The following CHSY3 variants were observed in gnomAD, a reference collection of about 807,000 sequenced individuals.
CHSY3 encodes N-acetylgalactosaminyl-proteoglycan 3-beta-glucuronosyltransferase 3.
A neutral mutation model predicts 67.2 loss-of-function variants in CHSY3; 35 were observed. That is an observed-to-expected ratio of 0.52 (90% confidence interval 0.40 to 0.69). The LOEUF is 0.69. Among genes scored for constraint, CHSY3 ranks in the 30% least tolerant of loss-of-function variants. The pLI, the probability that CHSY3 is intolerant of heterozygous loss-of-function variation, is 0.00. For synonymous variants in CHSY3, 474 were observed against 434.7 expected (o/e 1.09, Z -1.12); for missense variants, 1,069 against 1,138.5 (o/e 0.94, Z 0.88).
intron 2 of CHSY3, among the ~76,000 whole-genome samples, chr5:130,164,102 C>T (rs1769649738): frequency 6.6e-6 from 1 of 152,172 alleles, no homozygotes; most frequent in Non-Finnish European, 1.5e-5. Context: ...AAAATGGGCT[C>T]CAGAGCCCTG....
intron 2 of CHSY3, among the ~76,000 whole-genome samples, chr5:130,117,712 A>G (rs1767859949): frequency 6.6e-6 from 1 of 152,230 alleles, no homozygotes; most frequent in South Asian, 2.1e-4. Context: ...AGTTTCTTCA[A>G]AACTACAGAT....
At chr5:129,958,034 T>C (rs796336740) in intron 2 of CHSY3, among the ~76,000 whole-genome samples, 5 of 152,288 alleles carry the variant, frequency 3.3e-5, no homozygotes, top group African/African-American at 1.2e-4. Flanking sequence ...CTTTATGTTC[T>C]AAACTTTCTA....
At chr5:130,173,803 T>C (rs944436638) in intron 2 of CHSY3, among the ~76,000 whole-genome samples, 10 of 151,910 alleles carry the variant, frequency 6.6e-5, no homozygotes, top group African/African-American at 1.9e-4. Flanking sequence ...TTCCCTCAAG[T>C]TATTTATTTT....
chr5:129,981,473 T>C (rs1312754631), intron 2 of CHSY3, among the ~76,000 whole-genome samples: 2 of 152,000 alleles, frequency 1.3e-5, no homozygotes, highest in South Asian at 2.1e-4. Flanking sequence ...ATAAGGACAG[T>C]TTTATTTCTT....
chr5:130,059,401 C>G (rs1765636928), intron 2 of CHSY3, among the ~76,000 whole-genome samples: 1 of 149,186 alleles, frequency 6.7e-6, no homozygotes, highest in African/African-American at 2.6e-5. Context: ...CTCTCTCTCT[C>G]TCTCTCGCTC....
In CHSY3 at chr5:130,050,993, T is replaced by C. The variant is rs902644622; in HGVS notation, c.1087-133236T>C. Among the ~76,000 whole-genome samples the C allele has an allele frequency of 1.9e-4, 29 of 152,172 alleles. 1 individual carries two copies. The highest frequency in any genetic ancestry group is 1.9e-3 in the Admixed American group (29 of 15,260). ...TATGGTATATTTAAATGTACTATCA[T>C]AAAAATATAAAATATATTCTTAAAT... On this transcript the variant is annotated intron_variant, in intron 2 of 2. Coordinates refer to ENST00000305031, the MANE Select transcript of CHSY3 (RefSeq NM_175856.5).
At chr5:129,936,889 C>T (rs956964856) in intron 2 of CHSY3, among the ~76,000 whole-genome samples, 7 of 152,320 alleles carry the variant, frequency 4.6e-5, no homozygotes, top group Non-Finnish European at 7.3e-5. Flanking sequence ...TGTGGTGCTG[C>T]TCATGTTATT....
intron 1 of CHSY3, among the ~76,000 whole-genome samples, chr5:129,906,287 C>A (rs1008021185): frequency 1.3e-5 from 2 of 152,018 alleles, no homozygotes; most frequent in Admixed American, 6.5e-5. Context: ...AGTTCAGCAC[C>A]AAGCCGTCCC....
At chr5:129,964,057 C>T (rs1320200453) in intron 2 of CHSY3, among the ~76,000 whole-genome samples, 2 of 151,922 alleles carry the variant, frequency 1.3e-5, no homozygotes, top group African/African-American at 4.8e-5. Context: ...AGTGGGCAAC[C>T]TTTCCCTCAA....
At chr5:130,165,326 T>A (rs554491406) in intron 2 of CHSY3, among the ~76,000 whole-genome samples, 8 of 152,238 alleles carry the variant, frequency 5.3e-5, no homozygotes, top group African/African-American at 1.9e-4. Context: ...TAGATTGGAA[T>A]TAGTAATGAG....
At chr5:129,979,665 T>C (rs1762926968) in intron 2 of CHSY3, among the ~76,000 whole-genome samples, 1 of 152,204 alleles carries the variant, frequency 6.6e-6, no homozygotes, top group African/African-American at 2.4e-5. Context: ...TTGTACATTC[T>C]ATGGGTCTGA....
At chr5:129,981,711 T>C (rs1382208451) in intron 2 of CHSY3, among the ~76,000 whole-genome samples, 2 of 152,074 alleles carry the variant, frequency 1.3e-5, no homozygotes, top group African/African-American at 4.8e-5. Context: ...TTTTCTTGTC[T>C]TCTTGTCTTA....
intron 2 of CHSY3, among the ~76,000 whole-genome samples, chr5:129,990,248 G>A (rs1040934530): frequency 3.9e-5 from 6 of 152,004 alleles, no homozygotes; most frequent in African/African-American, 1.5e-4. Flanking sequence ...TCAAGGGATA[G>A]GATTAGAAAA....
intron 2 of CHSY3, among the ~76,000 whole-genome samples, chr5:130,058,693 T>C (rs1001890704): frequency 2.6e-5 from 4 of 152,196 alleles, no homozygotes; most frequent in Admixed American, 6.5e-5. Flanking sequence ...TAATTTTCTA[T>C]TTTCAGCTAT....
Position 129,908,028 on chromosome 5 carries a change from G to A in CHSY3, c.803-49G>A, listed in dbSNP as rs759143209. 3.2e-6 allele frequency: 5 copies of A among 1,580,628 alleles called. 1 individual carries two copies. In the South Asian group the frequency reaches 5.9e-5, roughly 19 times the overall value. Reference sequence around the variant, plus strand: ...CTGTCCCTTACCTTGTACATGATAAGTGATTATGAAATAAGGAGACATAGT... The same window carrying A: ...CTGTCCCTTACCTTGTACATGATAAATGATTATGAAATAAGGAGACATAGT... On this transcript the variant is annotated intron_variant, in intron 1 of 2. Transcript: ENST00000305031.
intron 2 of CHSY3, among the ~76,000 whole-genome samples, chr5:129,993,641 G>T (rs924430902): frequency 3.1e-4 from 47 of 152,024 alleles, no homozygotes; most frequent in Non-Finnish European, 4.7e-4. Context: ...TACAGCACAC[G>T]GATGGGTCTT....
intron 2 of CHSY3, among the ~76,000 whole-genome samples, chr5:130,162,718 A>T (rs1213911530): frequency 6.6e-6 from 1 of 152,070 alleles, no homozygotes; most frequent in Non-Finnish European, 1.5e-5. Context: ...TTTTTTAAAA[A>T]TGTTATTTCT....
intron 2 of CHSY3, among the ~76,000 whole-genome samples, chr5:129,934,255 CTTTA>C (rs1347447981): frequency 4.6e-5 from 7 of 152,000 alleles, no homozygotes; most frequent in Non-Finnish European, 7.4e-5. Context: ...AAATCATTAT[CTTTA>C]TTTAAGATAT....
intron 2 of CHSY3, among the ~76,000 whole-genome samples, chr5:129,946,556 A>G (rs936166612): frequency 2.0e-5 from 3 of 152,142 alleles, no homozygotes; most frequent in African/African-American, 7.2e-5. Flanking sequence ...GGTCTCCAAA[A>G]TTTATTTATA....
Sources: allele counts gnomAD v4.1 joint callset (sites outside exome capture counted in the v4.1 genomes callset), GRCh38; gene constraint gnomAD v4.1.1; transcripts MANE v1.5; gene names NCBI Gene and HGNC (gene_info 2026-07-23, HGNC 2026-07-21).